ABCB11: variants seen among roughly 807,000 people sequenced by gnomAD.
ABCB11 encodes the protein ATP binding cassette subfamily B member 11, also known as bile salt export pump.
Under a neutral mutation model 148.0 loss-of-function variants are expected in ABCB11, and 95 were observed. The observed-to-expected ratio is 0.64, with a 90% CI of 0.54 to 0.76. The LOEUF (loss-of-function observed/expected upper bound fraction) is 0.76. Among genes scored for constraint, ABCB11 ranks in the 30% least tolerant of loss-of-function variants. The pLI, the probability that ABCB11 is intolerant of heterozygous loss-of-function variation, is 0.00. For synonymous variants in ABCB11, 591 were observed against 555.4 expected (o/e 1.06, Z -0.90); for missense variants, 1,523 against 1,617.8 (o/e 0.94, Z 1.01).
chr2:168,986,015 G>T, intron 10 of ABCB11, 95 bp downstream of exon 10: 1 of 1,026,898 alleles, frequency 9.7e-7, no homozygotes, highest in Non-Finnish European at 1.3e-6. Context: ...CTTTTTTCCT[G>T]AAGGCACCAA....
At chr2:168,955,477 C>T (rs1175259574) in intron 19 of ABCB11, among the ~76,000 whole-genome samples, 1 of 151,550 alleles carries the variant, frequency 6.6e-6, no homozygotes, top group Non-Finnish European at 1.5e-5. Flanking sequence ...ACACTTTTAT[C>T]AGATTTTGTG....
At chr2:168,949,020 T>TA (rs2105919528) in intron 19 of ABCB11, among the ~76,000 whole-genome samples, 1 of 151,754 alleles carries the variant, frequency 6.6e-6, no homozygotes, top group East Asian at 2.0e-4. Context: ...GACAATGTGA[T>TA]ATGTTGGCAA....
chr2:169,018,574 T>C (rs144772296), intron 1 of ABCB11, among the ~76,000 whole-genome samples: 169 of 152,288 alleles, frequency 1.1e-3, no homozygotes, highest in African/African-American at 3.6e-3. Flanking sequence ...ACCCACATAC[T>C]GTTGGGTAAC....
At chr2:168,996,020 A>G (rs967467374) in intron 6 of ABCB11, among the ~76,000 whole-genome samples, 2 of 149,144 alleles carry the variant, frequency 1.3e-5, no homozygotes, top group African/African-American at 2.5e-5. Flanking sequence ...AAAATTCCCA[A>G]TGCCTAAATG....
At chr2:169,004,390 T>C (rs1244213357) in intron 5 of ABCB11, among the ~76,000 whole-genome samples, 1 of 152,188 alleles carries the variant, frequency 6.6e-6, no homozygotes. Flanking sequence ...TCTTTGTCTT[T>C]GATGGATTAA....
At chr2:168,916,740 T>C (rs1690948152), downstream of ABCB11, among the ~76,000 whole-genome samples, 1 of 152,232 alleles carries the variant, frequency 6.6e-6, no homozygotes, top group South Asian at 2.1e-4. Context: ...GCTCATTTTA[T>C]GATGGTACAC....
intron 9 of ABCB11, 80 bp downstream of exon 9, chr2:168,990,721 C>T (rs944431446): frequency 1.4e-5 from 22 of 1,575,408 alleles, no homozygotes; most frequent in South Asian, 3.4e-5. Context: ...GTGGGTCTGC[C>T]GCTTTGCACA....
chr2:168,955,363 G>A (rs1021936994), intron 19 of ABCB11, among the ~76,000 whole-genome samples: 6 of 151,666 alleles, frequency 4.0e-5, no homozygotes, highest in South Asian at 2.1e-4. Context: ...CATGGCTGAG[G>A]AGATCTCAAA....
chr2:168,995,816 T>C (rs1240589857), intron 6 of ABCB11, among the ~76,000 whole-genome samples: 1 of 151,908 alleles, frequency 6.6e-6, no homozygotes, highest in Non-Finnish European at 1.5e-5. Flanking sequence ...TTATTGTTCT[T>C]AAATAACTAT....
At chr2:169,000,573 T>G (rs1033136499) in intron 5 of ABCB11, among the ~76,000 whole-genome samples, 6 of 152,140 alleles carry the variant, frequency 3.9e-5, no homozygotes, top group Non-Finnish European at 8.8e-5. Flanking sequence ...TTGTCAAAAA[T>G]CAATTGGACA....
intron 7 of ABCB11, 140 bp downstream of exon 7, chr2:168,995,209 C>G: frequency 1.0e-6 from 1 of 960,436 alleles, no homozygotes; most frequent in Admixed American, 3.0e-5. Flanking sequence ...TATGAAAAAG[C>G]CATGCCACAT....
chr2:169,012,394 A>C (rs552111414), intron 5 of ABCB11, among the ~76,000 whole-genome samples: 2 of 152,266 alleles, frequency 1.3e-5, no homozygotes, highest in East Asian at 3.9e-4. Flanking sequence ...TATCACAAAG[A>C]AAACAGTAGC....
chr2:168,992,639 A>C lies in ABCB11; in HGVS notation c.783+1072T>G, dbSNP rs146386638. ...CCTGAATCATCATAATGTTTTTGGG[A>C]GGTATTATCCCTATTTTAAAGACAA... On this transcript the variant is annotated intron_variant, in intron 8 of 27. Transcript: ENST00000650372. Among the ~76,000 whole-genome samples, 8 of 152,098 alleles carry C rather than the reference A, an allele frequency of 5.3e-5. No homozygotes were observed. In the East Asian group the frequency reaches 1.4e-3, roughly 26 times the overall value.
intron 19 of ABCB11, 79 bp downstream of exon 19, chr2:168,957,885 T>C: frequency 1.6e-6 from 2 of 1,287,072 alleles, no homozygotes; most frequent in Non-Finnish European, 2.0e-6. Flanking sequence ...GCTAAATACA[T>C]GAAAACAAAG....
downstream of ABCB11, among the ~76,000 whole-genome samples, chr2:168,918,960 C>T (rs1306809098): frequency 6.6e-6 from 1 of 151,952 alleles, no homozygotes; most frequent in African/African-American, 2.4e-5. Flanking sequence ...TATATATGTA[C>T]ATAAATCTTT....
intron 18 of ABCB11, among the ~76,000 whole-genome samples, chr2:168,960,643 T>C (rs1267263445): frequency 1.3e-5 from 2 of 151,652 alleles, no homozygotes; most frequent in Non-Finnish European, 3.0e-5. Flanking sequence ...ACTAAAAGTT[T>C]GACTTTAAAG....
chr2:168,981,911 G>A (rs1001120895), intron 10 of ABCB11, among the ~76,000 whole-genome samples: 19 of 152,096 alleles, frequency 1.2e-4, no homozygotes, highest in Non-Finnish European at 1.2e-4. Context: ...TTGGCCTGTC[G>A]ACCATAGTTT....
chr2:168,960,451 A>G (rs1693019297), intron 18 of ABCB11, among the ~76,000 whole-genome samples: 1 of 151,676 alleles, frequency 6.6e-6, no homozygotes, highest in Non-Finnish European at 1.5e-5. Context: ...TGGTCCACCC[A>G]CAGCCTGACA....
chr2:168,951,678 T>C (rs2105923974), intron 19 of ABCB11, among the ~76,000 whole-genome samples: 1 of 151,738 alleles, frequency 6.6e-6, no homozygotes, highest in East Asian at 1.9e-4. Context: ...ATAAATAATA[T>C]GATTTCATCA....
Sources: allele counts gnomAD v4.1 joint callset (sites outside exome capture counted in the v4.1 genomes callset), GRCh38; gene constraint gnomAD v4.1.1; transcripts MANE v1.5; gene names NCBI Gene and HGNC (gene_info 2026-07-23, HGNC 2026-07-21).